Variants in ZNF507 observed in about 807,000 individuals in gnomAD.
The protein encoded by ZNF507 is zinc finger protein 507.
Under a neutral mutation model 80.0 loss-of-function variants are expected in ZNF507, and 29 were observed. The observed-to-expected ratio is 0.36, with a 90% CI of 0.27 to 0.49. The LOEUF is 0.49. Ranked by LOEUF, ZNF507 falls within the 20% of genes least tolerant of loss-of-function variation. The probability of loss-of-function intolerance (pLI) is 0.98; values close to 1 mark genes in which losing one functional copy is unlikely to be tolerated. For synonymous variants in ZNF507, 462 were observed against 422.5 expected, an observed-to-expected ratio of 1.09 and a Z score of -1.15; for missense variants, 1,081 against 1,152.2, an observed-to-expected ratio of 0.94 and a Z score of 0.90.
At chr19:32,378,351 T>A (rs1421872356) in intron 5 of ZNF507, among the ~76,000 whole-genome samples, 1 of 151,992 alleles carries the variant, frequency 6.6e-6, no homozygotes, top group Non-Finnish European at 1.5e-5. Flanking sequence ...AAACTCCGTC[T>A]CAAAGAGACA....
In ZNF507 at chr19:32,353,848, C is replaced by G. The variant is rs1436511684; in HGVS notation, c.1018C>G (p.Gln340Glu). 5 of 1,614,062 alleles carry G rather than the reference C, an allele frequency of 3.1e-6. No individual in the cohort carries two copies. The highest frequency in any genetic ancestry group is 1.3e-5 in the African/African-American group (1 of 74,908). The change falls in exon 3 of 7, where the codon CAG becomes GAG. Residue 340 changes from glutamine (Q) to glutamate (E), a missense_variant. Around this residue, in one of 6 missense-constraint regions of ZNF507, gnomAD observed 614 missense variants for 583.9 expected, o/e 1.05. Coordinates refer to ENST00000355898, the MANE Select transcript of ZNF507 (RefSeq NM_001136156.2). ...EQLSSSSPLE[Q>E]SAERGVHLSQ... ...GTTATCATCTTCATCTCCTTTAGAACAGAGTGCAGAAAGAGGAGTACACCT... is the reference window on the plus strand; with the variant it reads ...GTTATCATCTTCATCTCCTTTAGAAGAGAGTGCAGAAAGAGGAGTACACCT...
chr19:32,361,859 C>G lies in ZNF507; in HGVS notation c.2360+1241C>G, dbSNP rs891682416. Among the ~76,000 whole-genome samples the G allele has an allele frequency of 7.0e-5, 10 of 143,136 alleles. No homozygotes were observed. In the Admixed American group the frequency reaches 7.1e-4, roughly 10 times the overall value. 93.9% of individuals were successfully genotyped at this position (143,136 alleles called of 152,430 possible). ...CTTTCCTTTCTTCCTTTCCTTCCTTCCTTTCCTTCCTTTCCTTTCCCTCCC... is the reference window on the plus strand; with the variant it reads ...CTTTCCTTTCTTCCTTTCCTTCCTTGCTTTCCTTCCTTTCCTTTCCCTCCC... On this transcript the variant is annotated intron_variant, in intron 5 of 6. Transcript: ENST00000355898.
At chr19:32,368,846 T>C (rs952369959) in intron 5 of ZNF507, among the ~76,000 whole-genome samples, 2 of 152,230 alleles carry the variant, frequency 1.3e-5, no homozygotes, top group African/African-American at 4.8e-5. Context: ...TTGCAAAATT[T>C]CTATTGAAAT....
intron 5 of ZNF507, chr19:32,380,475 A>G (rs1967609237): frequency 1.2e-6 from 1 of 868,444 alleles, no homozygotes; most frequent in Non-Finnish European, 1.8e-6. Context: ...GCTGCATGCT[A>G]TCACAAAGTT....
intron 3 of ZNF507, among the ~76,000 whole-genome samples, chr19:32,356,034 GTC>G (rs1313419862): frequency 6.6e-6 from 1 of 152,154 alleles, no homozygotes; most frequent in African/African-American, 2.4e-5. Context: ...AAGCCCTTGA[GTC>G]TGAGGTTCAC....
intron 5 of ZNF507, among the ~76,000 whole-genome samples, chr19:32,363,749 T>C (rs1967360863): frequency 1.3e-5 from 2 of 152,230 alleles, no homozygotes; most frequent in Admixed American, 1.3e-4. Flanking sequence ...AGAAAAGTAC[T>C]AAAAGGCTGA....
chr19:32,382,329 A>G, intron 5 of ZNF507, 138 bp from the exon 6 acceptor site: 1 of 1,087,956 alleles, frequency 9.2e-7, no homozygotes, highest in Non-Finnish European at 1.3e-6. Context: ...AGAATCAGTA[A>G]CATCTTAGAT....
At chr19:32,371,646 T>TTA (rs1967474696) in intron 5 of ZNF507, among the ~76,000 whole-genome samples, 3 of 146,080 alleles carry the variant, frequency 2.1e-5, no homozygotes, top group African/African-American at 7.6e-5. Context: ...TATTATTATT[T>TTA]TTTTTTTTTT....
chr19:32,369,099 A>T (rs1162739239), intron 5 of ZNF507, among the ~76,000 whole-genome samples: 4 of 152,234 alleles, frequency 2.6e-5, no homozygotes, highest in Non-Finnish European at 5.9e-5. Context: ...TAGCCAAGTT[A>T]TAAGAAGCCT....
chr19:32,375,436 C>T (rs1344373174), intron 5 of ZNF507, among the ~76,000 whole-genome samples: 1 of 152,180 alleles, frequency 6.6e-6, no homozygotes, highest in Non-Finnish European at 1.5e-5. Context: ...ACCAGAAAGT[C>T]CTCAGTGTAG....
At chr19:32,348,565 G>A (rs1967124635) in intron 2 of ZNF507, among the ~76,000 whole-genome samples, 1 of 152,174 alleles carries the variant, frequency 6.6e-6, no homozygotes, top group Non-Finnish European at 1.5e-5. Context: ...AACTTTTTGT[G>A]AGAAAGATAT....
chr19:32,381,508 G>A (rs1405601218), intron 5 of ZNF507, among the ~76,000 whole-genome samples: 3 of 152,060 alleles, frequency 2.0e-5, no homozygotes, highest in Admixed American at 1.3e-4. Context: ...GCTGAGGCAT[G>A]AGAATCGCTT....
chr19:32,368,135 C>G (rs556147232), intron 5 of ZNF507, among the ~76,000 whole-genome samples: 1 of 152,336 alleles, frequency 6.6e-6, no homozygotes, highest in Non-Finnish European at 1.5e-5. Context: ...ATGAAGTGTA[C>G]TGCTGCTGCA....
At chr19:32,360,935 C>G (rs1465805602) in intron 5 of ZNF507, among the ~76,000 whole-genome samples, 1 of 152,146 alleles carries the variant, frequency 6.6e-6, no homozygotes, top group East Asian at 1.9e-4. Flanking sequence ...CTGCACCTGG[C>G]TGGTATTATG....
chr19:32,350,063 G>A (rs1302415743), intron 2 of ZNF507, among the ~76,000 whole-genome samples: 1 of 151,964 alleles, frequency 6.6e-6, no homozygotes, highest in Non-Finnish European at 1.5e-5. Context: ...GTTCAGATTT[G>A]CTTCACTTGA....
At chr19:32,356,896 A>C in intron 4 of ZNF507, 163 bp downstream of exon 4, 1 of 623,312 alleles carries the variant, frequency 1.6e-6, no homozygotes, top group South Asian at 1.9e-5. Context: ...GGAAATGCCA[A>C]GTACTGAATG....
At position 32,383,712 on chromosome 19, in the gene ZNF507, T is replaced by C. The variant is rs1403940263; in HGVS notation, c.*629T>C. 2 of 152,252 alleles carry C rather than the reference T, an allele frequency of 1.3e-5. No homozygotes were observed. Among genetic ancestry groups the C allele is most frequent in the Admixed American group, 6.5e-5 (1 of 15,274 alleles). 9.4% of individuals were successfully genotyped at this position (152,252 alleles called of 1,614,324 possible). On this transcript the variant is annotated 3_prime_UTR_variant, in exon 7 of 7. Coordinates refer to ENST00000355898, the MANE Select transcript of ZNF507 (RefSeq NM_001136156.2). ...AAAGATCTCTAAATTCAAAGCTAGA[T>C]TGTAAATAGGCATTCAAGAAGTATT... is the stretch of plus-strand genomic sequence containing the variant.
chr19:32,348,356 G>C (rs564948528), intron 2 of ZNF507, among the ~76,000 whole-genome samples: 1 of 151,836 alleles, frequency 6.6e-6, no homozygotes, highest in African/African-American at 2.4e-5. Context: ...TGAAAGAGAA[G>C]GTTCTTTTGT....
At chr19:32,352,416 T>C in intron 2 of ZNF507, among the ~76,000 whole-genome samples, 1 of 151,920 alleles carries the variant, frequency 6.6e-6, no homozygotes, top group South Asian at 2.1e-4. Context: ...TCACAGTAAC[T>C]GGAGGGGTTT....
Sources: gnomAD v4.1 joint callset for allele counts (sites outside exome capture counted in the v4.1 genomes callset) on GRCh38, gnomAD v4.1.1 for gene constraint, gnomAD v4.1.1 regional missense constraint, MANE v1.5 for transcripts, NCBI Gene and HGNC (gene_info 2026-07-23, HGNC 2026-07-21) for gene names.